Variants in SDC2 observed in about 807,000 individuals in gnomAD.
The protein encoded by SDC2 is syndecan 2, also known as syndecan-2.
SDC2 carries 13 observed loss-of-function variants against 22.2 expected under a neutral mutation model. The observed-to-expected ratio is 0.59, with a 90% CI of 0.38 to 0.93. The LOEUF is 0.93. Among genes scored for constraint, SDC2 ranks in the 40% least tolerant of loss-of-function variants. SDC2 has a pLI of 0.00. For missense variants in SDC2, 235 were observed against 246.8 expected (o/e 0.95, Z 0.32); for synonymous variants, 94 against 92.8 (o/e 1.01, Z -0.07).
chr8:96,514,210 T>A (rs758644691), intron 1 of SDC2, among the ~76,000 whole-genome samples: 3 of 152,192 alleles, frequency 2.0e-5, no homozygotes, highest in Non-Finnish European at 4.4e-5. Flanking sequence ...TGACAGGTAC[T>A]TTAACCAGTT....
intron 1 of SDC2, among the ~76,000 whole-genome samples, chr8:96,576,644 C>T (rs1288335209): frequency 6.7e-6 from 1 of 149,326 alleles, no homozygotes; most frequent in Non-Finnish European, 1.5e-5. Flanking sequence ...TGGTCTCGAT[C>T]TCCTGACCTC....
chr8:96,504,827 G>T (rs143308242), intron 1 of SDC2, among the ~76,000 whole-genome samples: 11 of 152,204 alleles, frequency 7.2e-5, no homozygotes, highest in African/African-American at 2.6e-4. Flanking sequence ...CAACAAGGCT[G>T]TTTATTTCAC....
chr8:96,600,299 C>T (rs573752507), intron 2 of SDC2, among the ~76,000 whole-genome samples: 4 of 152,240 alleles, frequency 2.6e-5, no homozygotes, highest in South Asian at 2.1e-4. Flanking sequence ...ATGTGTTGTC[C>T]GAGGAAGCCT....
rs1814630840 is a variant in SDC2 at position 96,583,631 on chromosome 8, C to T, written c.61-9849C>T. Among the ~76,000 whole-genome samples the T allele has an allele frequency of 2.1e-5, 3 of 144,878 alleles. No homozygotes were observed. In the South Asian group the frequency reaches 6.6e-4, roughly 32 times the overall value. On this transcript the variant is annotated intron_variant, in intron 1 of 4. Transcript: ENST00000302190. ...ACCCTAACCAGTTATCTTTCTTCTT[C>T]ATTTTCTATTCCCTTTCAGTGCTTG...
chr8:96,593,539 T>G lies in SDC2; in HGVS notation c.120T>G (p.Ala40=). Residue 40 remains alanine (A), a synonymous_variant, in exon 2 of 5, where the codon GCT becomes GCG. Coordinates refer to ENST00000302190, the MANE Select transcript of SDC2 (RefSeq NM_002998.4). ...TTGACAACAGCTCCATTGAAGAAGC[T>G]TCAGGAGTGTATCCTATTGATGACG... ...MYLDNSSIEE[A]SGVYPIDDDD... 6.2e-7 allele frequency: 1 copy of G among 1,614,148 alleles called. No individual in the cohort carries two copies. The highest frequency in any genetic ancestry group is 1.1e-5 in the South Asian group (1 of 91,086).
chr8:96,543,673 C>T (rs1183093646), intron 1 of SDC2, among the ~76,000 whole-genome samples: 1 of 152,156 alleles, frequency 6.6e-6, no homozygotes, highest in Non-Finnish European at 1.5e-5. Flanking sequence ...TAGCCGCATC[C>T]TGTGTCTTTC....
chr8:96,583,317 A>T (rs1193805468), intron 1 of SDC2, among the ~76,000 whole-genome samples: 1 of 147,156 alleles, frequency 6.8e-6, no homozygotes, highest in Non-Finnish European at 1.5e-5. Flanking sequence ...TGATATATGT[A>T]ATATATATAT....
intron 1 of SDC2, among the ~76,000 whole-genome samples, chr8:96,494,947 G>A (rs1453518243): frequency 6.6e-6 from 1 of 152,204 alleles, no homozygotes; most frequent in Non-Finnish European, 1.5e-5. Context: ...CGCAGTAGGC[G>A]ATCCCTCAAG....
chr8:96,512,478 G>A (rs928280371), intron 1 of SDC2, among the ~76,000 whole-genome samples: 1 of 152,142 alleles, frequency 6.6e-6, no homozygotes, highest in African/African-American at 2.4e-5. Flanking sequence ...AGAATCCCGT[G>A]GACTGTGATA....
intron 1 of SDC2, among the ~76,000 whole-genome samples, chr8:96,503,278 A>T (rs935689125): frequency 3.9e-5 from 6 of 152,204 alleles, no homozygotes; most frequent in Non-Finnish European, 7.3e-5. Flanking sequence ...ATAATAGTTA[A>T]AAAAATGGAA....
At chr8:96,568,509 C>T (rs1202285760) in intron 1 of SDC2, among the ~76,000 whole-genome samples, 1 of 152,152 alleles carries the variant, frequency 6.6e-6, no homozygotes, top group South Asian at 2.1e-4. Context: ...TGTATGTGGT[C>T]AAAGAGGTCC....
At chr8:96,564,769 G>A (rs993596420) in intron 1 of SDC2, among the ~76,000 whole-genome samples, 1 of 152,034 alleles carries the variant, frequency 6.6e-6, no homozygotes, top group African/African-American at 2.4e-5. Flanking sequence ...CAGCTTACAC[G>A]TGTTATCACA....
chr8:96,600,872 G>T (rs1445339991), intron 2 of SDC2, among the ~76,000 whole-genome samples: 1 of 152,156 alleles, frequency 6.6e-6, no homozygotes, highest in Non-Finnish European at 1.5e-5. Flanking sequence ...CTTTGAGAGG[G>T]GTGGTAAAAG....
intron 1 of SDC2, among the ~76,000 whole-genome samples, chr8:96,495,405 G>A (rs1221754142): frequency 6.6e-6 from 1 of 152,118 alleles, no homozygotes; most frequent in South Asian, 2.1e-4. Flanking sequence ...TGCCTCCTTG[G>A]CCTCCTCTCG....
chr8:96,529,809 C>T (rs1813631992), intron 1 of SDC2, among the ~76,000 whole-genome samples: 1 of 151,068 alleles, frequency 6.6e-6, no homozygotes, highest in Non-Finnish European at 1.5e-5. Context: ...CTTTGTTCTT[C>T]TCAATCCCTG....
intron 2 of SDC2, among the ~76,000 whole-genome samples, chr8:96,600,211 C>T (rs1814955038): frequency 6.6e-6 from 1 of 152,102 alleles, no homozygotes; most frequent in South Asian, 2.1e-4. Flanking sequence ...GTTGCTTTCC[C>T]ACCTGCTTAT....
At chr8:96,589,474 G>T (rs565815370) in intron 1 of SDC2, among the ~76,000 whole-genome samples, 1 of 152,088 alleles carries the variant, frequency 6.6e-6, no homozygotes, top group African/African-American at 2.4e-5. Context: ...GTACAGTGGC[G>T]CAGTCTTGGC....
intron 1 of SDC2, among the ~76,000 whole-genome samples, chr8:96,531,935 C>T (rs1813667625): frequency 6.6e-6 from 1 of 152,170 alleles, no homozygotes. Context: ...GTTTATGGCG[C>T]TAGGTTTGTA....
intron 1 of SDC2, among the ~76,000 whole-genome samples, chr8:96,516,453 T>G (rs1813403117): frequency 6.6e-6 from 1 of 152,158 alleles, no homozygotes; most frequent in African/African-American, 2.4e-5. Flanking sequence ...GCCACAAAAA[T>G]TCACCCATTT....
Sources: allele counts gnomAD v4.1 joint callset (sites outside exome capture counted in the v4.1 genomes callset), GRCh38; gene constraint gnomAD v4.1.1; transcripts MANE v1.5; gene names NCBI Gene and HGNC (gene_info 2026-07-23, HGNC 2026-07-21).